Variants in NPLOC4 observed in about 807,000 individuals in gnomAD.
NPLOC4 encodes nuclear protein localization protein 4 homolog.
NPLOC4 carries 18 observed loss-of-function variants against 80.6 expected under a neutral mutation model. The ratio of observed to expected loss-of-function variants is 0.22; its 90% CI spans 0.15 to 0.33. The LOEUF is 0.33. NPLOC4 is among the 10% of genes least tolerant of loss of function. The probability of loss-of-function intolerance (pLI) is 1.00; values close to 1 mark genes in which losing one functional copy is unlikely to be tolerated. For synonymous variants in NPLOC4, 313 were observed against 301.5 expected, an observed-to-expected ratio of 1.04 and a Z score of -0.39; for missense variants, 540 against 786.1, an observed-to-expected ratio of 0.69 and a Z score of 3.74.
chr17:81,626,232 C>T (rs1344092751), intron 2 of NPLOC4, among the ~76,000 whole-genome samples: 1 of 151,482 alleles, frequency 6.6e-6, no homozygotes, highest in African/African-American at 2.4e-5. Context: ...AGGAAAACCG[C>T]TTGAACCCCG....
At chr17:81,563,187 G>GC (rs1199367240) in intron 16 of NPLOC4, 1 of 148,484 alleles carries the variant, frequency 6.7e-6, no homozygotes, top group East Asian at 2.0e-4. Context: ...TGATTCTCCT[G>GC]CCTCAGCCTC....
intron 12 of NPLOC4, among the ~76,000 whole-genome samples, chr17:81,579,862 A>ATGTGAGCTCACCCCCCATTCTCCTC (rs545627936): frequency 9.2e-5 from 14 of 151,372 alleles, no homozygotes; most frequent in African/African-American, 2.9e-4. Context: ...CAGCTTGCTG[A>ATGTGAGCTCACCCCCCATTCTCCTC]TGTGAGCTCA....
At chr17:81,592,879 G>C (rs560204747) in intron 11 of NPLOC4, among the ~76,000 whole-genome samples, 1 of 152,336 alleles carries the variant, frequency 6.6e-6, no homozygotes, top group African/African-American at 2.4e-5. Context: ...AGCTACTTGG[G>C]AGACTGAGGC....
intron 11 of NPLOC4, among the ~76,000 whole-genome samples, chr17:81,593,786 C>A (rs537454156): frequency 6.6e-6 from 1 of 151,378 alleles, no homozygotes; most frequent in African/African-American, 2.4e-5. Context: ...TTCTCTGCTC[C>A]CCTCCTGGGT....
intron 7 of NPLOC4, 77 bp downstream of exon 7, chr17:81,606,614 C>A: frequency 6.6e-7 from 1 of 1,507,464 alleles, no homozygotes; most frequent in South Asian, 1.2e-5. Context: ...TAATAGCATT[C>A]CACTCCAAGG....
chr17:81,603,202 G>T (rs1458739954), intron 8 of NPLOC4, among the ~76,000 whole-genome samples: 1 of 151,864 alleles, frequency 6.6e-6, no homozygotes, highest in African/African-American at 2.4e-5. Context: ...TAAATTCTAG[G>T]GGCTACCTAT....
In NPLOC4 at chr17:81,596,089, T is replaced by C. The variant is rs1568140640; in HGVS notation, c.1120+27A>G. 3.8e-6 allele frequency: 6 copies of C among 1,597,136 alleles called. No homozygotes were observed. In the Admixed American group the frequency reaches 1.0e-4, roughly 28 times the overall value. On this transcript the variant is annotated intron_variant, in intron 11 of 16. Coordinates refer to ENST00000331134, the MANE Select transcript of NPLOC4 (RefSeq NM_017921.4). ...AAATATATTAACGAGGTGGTAATATTTACAGTACATACTGTCCCTGTTATA... is the reference window on the plus strand; with the variant it reads ...AAATATATTAACGAGGTGGTAATATCTACAGTACATACTGTCCCTGTTATA...
At position 81,631,433 on chromosome 17, in the gene NPLOC4, TATA is replaced by T. The variant is rs1315628952; in HGVS notation, c.16-1631_16-1629del. On this transcript the variant is annotated intron_variant, in intron 1 of 16. Transcript: ENST00000331134. ...ATATTAAAGTGTACATATATATATA[TATA>T]TTTTTTTTTTTTTTTTTTTTTTTTT... Among the ~76,000 whole-genome samples, 5 of 47,418 alleles carry T rather than the reference TATA, an allele frequency of 1.1e-4. 1 individual carries two copies. Among genetic ancestry groups the T allele is most frequent in the South Asian group, 9.6e-4 (1 of 1,042 alleles). 31.1% of individuals were successfully genotyped at this position (47,418 alleles called of 152,430 possible).
At position 81,583,009 on chromosome 17, in the gene NPLOC4, C is replaced by A. The variant is rs75267021; in HGVS notation, c.1281+5935G>T. Among the ~76,000 whole-genome samples, 840 of 152,408 alleles carry A rather than the reference C, an allele frequency of 5.5e-3. 10 individuals carry two copies. The highest frequency in any genetic ancestry group is 0.019 in the African/African-American group (785 of 41,600). Reference sequence around the variant, plus strand: ...CCGCCCCTGCGCACTCACAACTGAGCGCCCATGTGCGCCAGCACAGCAGCC... The same window carrying A: ...CCGCCCCTGCGCACTCACAACTGAGAGCCCATGTGCGCCAGCACAGCAGCC... On this transcript the variant is annotated intron_variant, in intron 12 of 16. Coordinates refer to ENST00000331134, the MANE Select transcript of NPLOC4 (RefSeq NM_017921.4).
At chr17:81,615,543 C>T (rs2035458390) in intron 3 of NPLOC4, among the ~76,000 whole-genome samples, 1 of 152,174 alleles carries the variant, frequency 6.6e-6, no homozygotes, top group African/African-American at 2.4e-5. Flanking sequence ...TAGAGGAAAT[C>T]CCCAGGGGAC....
intron 16 of NPLOC4, chr17:81,564,091 C>T (rs2033933357): frequency 3.0e-6 from 1 of 330,766 alleles, no homozygotes; most frequent in African/African-American, 2.2e-5. Context: ...AAAACACACA[C>T]ACACACACAC....
chr17:81,613,446 T>A lies in NPLOC4; in HGVS notation c.258A>T (p.Ser86=). 6.2e-7 allele frequency: 1 copy of A among 1,613,952 alleles called. No individual in the cohort carries two copies. Among genetic ancestry groups the A allele is most frequent in the Non-Finnish European group, 8.5e-7 (1 of 1,179,888 alleles). The change falls in exon 4 of 17, where the codon TCA becomes TCT. Residue 86 remains serine (S), a synonymous_variant. Coordinates refer to ENST00000331134, the MANE Select transcript of NPLOC4 (RefSeq NM_017921.4). ...FLFPSSLAGP[S]SEMETSVPPG... ...GTGGAACTGACGTCTCCATTTCAGA[T>A]GAGGGCCCAGCAAGGCTCGAGGGAA...
At chr17:81,618,418 C>G (rs2035565746) in intron 3 of NPLOC4, among the ~76,000 whole-genome samples, 1 of 151,038 alleles carries the variant, frequency 6.6e-6, no homozygotes, top group Non-Finnish European at 1.5e-5. Flanking sequence ...CCCCTCCGCC[C>G]CGCAGCCGCC....
intron 3 of NPLOC4, 149 bp downstream of exon 3, chr17:81,622,017 C>G (rs926042078): frequency 3.2e-6 from 2 of 621,298 alleles, no homozygotes; most frequent in African/African-American, 3.7e-5. Flanking sequence ...GAATTCCTGG[C>G]AAGCAACACG....
chr17:81,591,932 G>C (rs562611981), intron 11 of NPLOC4, among the ~76,000 whole-genome samples: 2 of 152,332 alleles, frequency 1.3e-5, no homozygotes, highest in African/African-American at 4.8e-5. Context: ...TGAGGACACA[G>C]ATGCCCAGCC....
At chr17:81,591,447 G>GAAAAAAAAAAAAAAA (rs71367067) in intron 11 of NPLOC4, among the ~76,000 whole-genome samples, 11 of 76,310 alleles carry the variant, frequency 1.4e-4, no homozygotes, top group South Asian at 6.0e-4. Flanking sequence ...GAGTAAAACA[G>GAAAAAAAAAAAAAAA]AAAAAAAAAA....
In NPLOC4 at chr17:81,598,401, G is replaced by A. The variant is rs1479424207; in HGVS notation, c.922-1085C>T. Among the ~76,000 whole-genome samples, 3 of 152,172 alleles carry A rather than the reference G, an allele frequency of 2.0e-5. No homozygotes were observed. In the East Asian group the frequency reaches 5.8e-4, roughly 29 times the overall value. On this transcript the variant is annotated intron_variant, in intron 9 of 16. Coordinates refer to ENST00000331134, the MANE Select transcript of NPLOC4 (RefSeq NM_017921.4). ...GACCAACAGAAGGTGAGTGAAAAAG[G>A]CACTTAAACTCCCAAGAGGAAGACA...
At position 81,559,097 on chromosome 17, in the gene NPLOC4, G is replaced by A. The variant is rs552799411; in HGVS notation, c.*162C>T. 7.6e-5 allele frequency: 57 copies of A among 745,936 alleles called. No homozygotes were observed. The highest frequency in any genetic ancestry group is 2.5e-4 in the African/African-American group (14 of 56,410). The allele number at this position is 745,936 out of a possible 1,614,324, so 46.2% of individuals were successfully genotyped here. ...TGGCGCCCGCTCTCCAGGGAGGAACGTGCTGAGAAGCTTCAGTGGGTCAGG... is the reference window on the plus strand; with the variant it reads ...TGGCGCCCGCTCTCCAGGGAGGAACATGCTGAGAAGCTTCAGTGGGTCAGG... On this transcript the variant is annotated 3_prime_UTR_variant, in exon 17 of 17. Transcript: ENST00000331134.
intron 9 of NPLOC4, among the ~76,000 whole-genome samples, chr17:81,597,520 C>G (rs1162595402): frequency 6.6e-6 from 1 of 152,106 alleles, no homozygotes; most frequent in African/African-American, 2.4e-5. Context: ...TGCGGTGGCT[C>G]ACGCCTGTAA....
Sources: gnomAD v4.1 joint callset for allele counts (sites outside exome capture counted in the v4.1 genomes callset) on GRCh38, gnomAD v4.1.1 for gene constraint, MANE v1.5 for transcripts, NCBI Gene and HGNC (gene_info 2026-07-23, HGNC 2026-07-21) for gene names.